The following MED15 variants were observed in gnomAD, a reference collection of about 807,000 sequenced individuals.
MED15 encodes the protein mediator complex subunit 15, also known as mediator of RNA polymerase II transcription subunit 15.
Under a neutral mutation model 118.7 loss-of-function variants are expected in MED15, and 41 were observed. The ratio of observed to expected loss-of-function variants is 0.35; its 90% confidence interval spans 0.27 to 0.45. The LOEUF (loss-of-function observed/expected upper bound fraction) is 0.45. Ranked by LOEUF, MED15 falls within the 20% of genes least tolerant of loss-of-function variation. The pLI is 1.00. For synonymous variants in MED15, 436 were observed against 413.9 expected (o/e 1.05, Z -0.65); for missense variants, 740 against 1,025.5 (o/e 0.72, Z 3.80).
At chr22:20,558,122 G>C (rs1189105416) in intron 5 of MED15, among the ~76,000 whole-genome samples, 1 of 151,698 alleles carries the variant, frequency 6.6e-6, no homozygotes, top group Non-Finnish European at 1.5e-5. Flanking sequence ...AAAAGAAAAA[G>C]TTACAGTGGA....
intron 1 of MED15, among the ~76,000 whole-genome samples, chr22:20,510,261 C>T (rs763029642): frequency 2.0e-5 from 3 of 152,154 alleles, no homozygotes; most frequent in African/African-American, 7.2e-5. Flanking sequence ...TGGCGCACAC[C>T]TGTAGTCCCA....
At chr22:20,535,880 T>C (rs1304301292) in intron 1 of MED15, among the ~76,000 whole-genome samples, 8 of 140,628 alleles carry the variant, frequency 5.7e-5, no homozygotes, top group African/African-American at 2.1e-4. Flanking sequence ...TTCTTTTTTT[T>C]TTTTTTTTTT....
chr22:20,564,366 C>T, intron 5 of MED15, 84 bp from the exon 6 acceptor site: 1 of 1,554,954 alleles, frequency 6.4e-7, no homozygotes, highest in Non-Finnish European at 8.7e-7. Flanking sequence ...CTTTTGCTGG[C>T]TGTTTTGTCC....
intron 5 of MED15, among the ~76,000 whole-genome samples, chr22:20,559,310 C>T (rs550941833): frequency 1.3e-4 from 19 of 151,988 alleles, no homozygotes; most frequent in Middle Eastern, 3.4e-3. Context: ...GAATGAACAG[C>T]GCATTAGATA....
chr22:20,575,368 C>CT (rs34936571), intron 9 of MED15, 136 bp downstream of exon 9: 27,938 of 879,284 alleles, frequency 0.032, 8 homozygotes, highest in Non-Finnish European at 0.035. Flanking sequence ...CCCACAGTCC[C>CT]TTTTTTTTTT....
At chr22:20,583,042 TG>T (rs2146676533) in intron 11 of MED15, 70 bp from the exon 12 acceptor site, 2 of 1,567,734 alleles carry the variant, frequency 1.3e-6, no homozygotes, top group South Asian at 1.2e-5. Context: ...GTGCGAGCTC[TG>T]GGGCCCTCAG....
intron 1 of MED15, among the ~76,000 whole-genome samples, chr22:20,528,304 C>T (rs2054730081): frequency 6.6e-6 from 1 of 152,242 alleles, no homozygotes; most frequent in South Asian, 2.1e-4. Context: ...GGTCCCCAAC[C>T]TTTTTAGCAC....
chr22:20,547,264 T>C (rs998189457), intron 2 of MED15, among the ~76,000 whole-genome samples: 2 of 152,256 alleles, frequency 1.3e-5, no homozygotes, highest in African/African-American at 4.8e-5. Context: ...GCTTTTTGTT[T>C]CATTTTTTTA....
intron 7 of MED15, among the ~76,000 whole-genome samples, 172 bp downstream of exon 7, chr22:20,566,989 T>C (rs1367157728): frequency 6.6e-6 from 1 of 152,128 alleles, no homozygotes; most frequent in African/African-American, 2.4e-5. Flanking sequence ...CAGGGAAGCA[T>C]GTGTTTTGCA....
Position 20,575,195 on chromosome 22 carries a change from C to G in MED15, c.1235C>G (p.Ser412Ter). Residue 412 changes from serine (S) to a stop codon, truncating the protein, a stop_gained, in exon 9 of 18, where the codon TCA (serine) becomes TGA (stop). Coordinates refer to ENST00000263205, the MANE Select transcript of MED15 (RefSeq NM_001003891.3). LOFTEE classifies it high-confidence loss of function. ...ACCACCGCTGTGTCCGCCATCCCGT[C>G]AAGCTCCATCCCTTTGGGCAGACAG... ...PPTTAVSAIP[S>*]SSIPLGRQPM... 1 of 1,614,152 alleles carries G rather than the reference C, an allele frequency of 6.2e-7. No individual in the cohort carries two copies. The highest frequency in any genetic ancestry group is 8.5e-7 in the Non-Finnish European group (1 of 1,180,040).
intron 1 of MED15, among the ~76,000 whole-genome samples, chr22:20,519,286 CTCTT>C (rs1160985533): frequency 2.0e-5 from 3 of 152,124 alleles, no homozygotes; most frequent in South Asian, 2.1e-4. Context: ...AGTAATGACT[CTCTT>C]TCTAGTCTAG....
At chr22:20,535,283 G>C (rs1459581389) in intron 1 of MED15, among the ~76,000 whole-genome samples, 1 of 152,050 alleles carries the variant, frequency 6.6e-6, no homozygotes, top group Non-Finnish European at 1.5e-5. Context: ...AATCTAGCAG[G>C]GTGGTAGGTC....
chr22:20,553,921 G>T (rs1437859982), intron 4 of MED15, among the ~76,000 whole-genome samples: 1 of 152,236 alleles, frequency 6.6e-6, no homozygotes, highest in Non-Finnish European at 1.5e-5. Context: ...TTTATCACAT[G>T]AGGGGAATTC....
chr22:20,574,820 G>C, intron 8 of MED15: 1 of 353,932 alleles, frequency 2.8e-6, no homozygotes, highest in South Asian at 3.5e-5. Context: ...TGTTAGCGAG[G>C]TGTGTTCAGA....
chr22:20,585,132 C>A lies in MED15; in HGVS notation c.1996C>A (p.Leu666Ile), dbSNP rs763601764. ...AGTGGTGTGCACCCGGAAGCGCAGGCTTGAGGATGATGAGCGGCAGAGCAT... is the reference window on the plus strand; with the variant it reads ...AGTGGTGTGCACCCGGAAGCGCAGGATTGAGGATGATGAGCGGCAGAGCAT... ...APVVCTRKRR[L>I]EDDERQSIPS... The change falls in exon 16 of 18, where the codon CTT (leucine) becomes ATT (isoleucine). Residue 666 changes from leucine to isoleucine, a missense_variant. By Grantham distance (5) the Leu-to-Ile change is conservative. Around this residue, in one of 7 missense-constraint regions of MED15, gnomAD observed 179 missense variants for 259.0 expected, o/e 0.69. Transcript: ENST00000263205. The A allele has an allele frequency of 5.0e-6, 8 of 1,613,728 alleles. No individual in the cohort carries two copies. Among genetic ancestry groups the A allele is most frequent in the Non-Finnish European group, 6.8e-6 (8 of 1,179,976 alleles).
chr22:20,575,007 G>C lies in MED15; in HGVS notation c.1153-106G>C. The stretch of plus-strand genomic sequence containing the variant: ...GCCCCGAGCTGCCCAAGCTTTCCTT[G>C]CCCTGGTGCTCCTTCTTGCAGAGGC... On this transcript the variant is annotated intron_variant, in intron 8 of 17. Transcript: ENST00000263205. 2.0e-6 allele frequency: 3 copies of C among 1,534,740 alleles called. No homozygotes were observed. In the South Asian group the frequency reaches 3.6e-5, roughly 18 times the overall value.
chr22:20,531,251 C>T (rs964046083), intron 1 of MED15, among the ~76,000 whole-genome samples: 3 of 152,224 alleles, frequency 2.0e-5, no homozygotes, highest in East Asian at 1.9e-4. Flanking sequence ...GGACTGGACT[C>T]CTGTTGCCAG....
intron 5 of MED15, among the ~76,000 whole-genome samples, chr22:20,557,762 T>C (rs1207360072): frequency 6.6e-6 from 1 of 152,194 alleles, no homozygotes; most frequent in Non-Finnish European, 1.5e-5. Flanking sequence ...GGCCCCCACA[T>C]CCTGTTTTTA....
intron 1 of MED15, among the ~76,000 whole-genome samples, chr22:20,530,745 G>T (rs566093570): frequency 1.8e-4 from 27 of 150,222 alleles, no homozygotes; most frequent in Admixed American, 3.3e-4. Context: ...CAACATGCCT[G>T]TGTGAGTGTC....
Sources: gnomAD v4.1 joint callset for allele counts (sites outside exome capture counted in the v4.1 genomes callset) on GRCh38, gnomAD v4.1.1 for gene constraint, gnomAD v4.1.1 regional missense constraint, MANE v1.5 for transcripts, NCBI Gene and HGNC (gene_info 2026-07-23, HGNC 2026-07-21) for gene names.